AGBL1: variants seen among roughly 807,000 people sequenced by gnomAD.
AGBL1 encodes AGBL carboxypeptidase 1.
Under a neutral mutation model 118.9 loss-of-function variants are expected in AGBL1, and 130 were observed. That is an observed-to-expected ratio of 1.09 (90% CI 0.95 to 1.26). The LOEUF is 1.26. Ranked by LOEUF, AGBL1 falls within the 50% of genes most tolerant of loss-of-function variation. The probability of loss-of-function intolerance (pLI) is 0.00; values close to 1 mark genes in which losing one functional copy is unlikely to be tolerated. For missense variants in AGBL1, 1,584 were observed against 1,298.1 expected (o/e 1.22, Z -3.38); for synonymous variants, 555 against 478.9 (o/e 1.16, Z -2.08).
intron 22 of AGBL1, among the ~76,000 whole-genome samples, chr15:86,814,471 G>A (rs1261997242): frequency 1.3e-5 from 2 of 152,146 alleles, no homozygotes; most frequent in Non-Finnish European, 2.9e-5. Context: ...AATGAACCTC[G>A]ACTATTAATG....
chr15:86,515,496 A>T (rs1366843771), intron 18 of AGBL1, among the ~76,000 whole-genome samples: 2 of 152,164 alleles, frequency 1.3e-5, no homozygotes, highest in African/African-American at 2.4e-5. Flanking sequence ...TTATTATAAA[A>T]ATAATAATTA....
chr15:86,198,700 G>T (rs1195671458), intron 5 of AGBL1, among the ~76,000 whole-genome samples: 1 of 152,076 alleles, frequency 6.6e-6, no homozygotes, highest in African/African-American at 2.4e-5. Flanking sequence ...GTGTGTATGT[G>T]TGCATGTGTT....
chr15:86,811,457 T>C (rs1438407884), intron 22 of AGBL1, among the ~76,000 whole-genome samples: 3 of 152,196 alleles, frequency 2.0e-5, no homozygotes, highest in Non-Finnish European at 2.9e-5. Flanking sequence ...TATAACTTGC[T>C]CTTTTAATTA....
At chr15:86,894,066 C>T (rs1028402582) in intron 22 of AGBL1, among the ~76,000 whole-genome samples, 2 of 152,086 alleles carry the variant, frequency 1.3e-5, no homozygotes, top group Non-Finnish European at 2.9e-5. Context: ...TCCAATACCG[C>T]CTAAAGTGAC....
chr15:86,933,771 C>G (rs1419276458), intron 23 of AGBL1, among the ~76,000 whole-genome samples: 1 of 152,184 alleles, frequency 6.6e-6, no homozygotes, highest in African/African-American at 2.4e-5. Context: ...TAAGTCTTCT[C>G]TTACACCCAT....
intron 18 of AGBL1, among the ~76,000 whole-genome samples, chr15:86,448,554 T>C (rs1051245543): frequency 6.6e-6 from 1 of 152,226 alleles, no homozygotes; most frequent in African/African-American, 2.4e-5. Context: ...AGTGGAGAGA[T>C]GCACCTGGCA....
chr15:86,592,536 A>C (rs2084351931), intron 21 of AGBL1, among the ~76,000 whole-genome samples: 1 of 152,180 alleles, frequency 6.6e-6, no homozygotes, highest in Non-Finnish European at 1.5e-5. Context: ...CACTGTGCGC[A>C]TGCACAGTGG....
At chr15:87,023,743 A>G (rs1412338252) in intron 24 of AGBL1, among the ~76,000 whole-genome samples, 1 of 152,058 alleles carries the variant, frequency 6.6e-6, no homozygotes, top group African/African-American at 2.4e-5. Context: ...CCACAAAATG[A>G]GCTTCAATAA....
intron 18 of AGBL1, among the ~76,000 whole-genome samples, chr15:86,459,843 C>A (rs149821084): frequency 1.3e-5 from 2 of 152,064 alleles, no homozygotes; most frequent in African/African-American, 4.8e-5. Context: ...TATTGCCCAA[C>A]GGGTACAGCT....
chr15:86,603,050 C>T (rs2084520514), intron 21 of AGBL1, among the ~76,000 whole-genome samples: 4 of 152,104 alleles, frequency 2.6e-5, no homozygotes, highest in Admixed American at 2.6e-4. Context: ...CAGAAGAAAG[C>T]AATGATAGGA....
chr15:86,364,976 T>TATATACACACACAC (rs1453638236), intron 17 of AGBL1, among the ~76,000 whole-genome samples: 1 of 83,254 alleles, frequency 1.2e-5, no homozygotes, highest in African/African-American at 4.0e-5. Context: ...TATATATATA[T>TATATACACACACAC]ATATATATAT....
At chr15:86,814,647 C>T (rs747045505) in intron 22 of AGBL1, among the ~76,000 whole-genome samples, 1 of 152,144 alleles carries the variant, frequency 6.6e-6, no homozygotes, top group Non-Finnish European at 1.5e-5. Flanking sequence ...TCTGCATTAT[C>T]TGGTTCAAAT....
intron 22 of AGBL1, among the ~76,000 whole-genome samples, chr15:86,884,287 G>A (rs567794211): frequency 6.6e-6 from 1 of 152,190 alleles, no homozygotes; most frequent in Admixed American, 6.5e-5. Context: ...TATACACAGG[G>A]TGGGTTCCCT....
chr15:86,192,104 C>T (rs1305283190), intron 5 of AGBL1, among the ~76,000 whole-genome samples: 1 of 151,502 alleles, frequency 6.6e-6, no homozygotes, highest in Non-Finnish European at 1.5e-5. Context: ...GTCTCTCCCA[C>T]TCCTGCACGC....
At chr15:87,029,497 TAAC>T (rs199756176), downstream of AGBL1, among the ~76,000 whole-genome samples, 9 of 107,222 alleles carry the variant, frequency 8.4e-5, no homozygotes, top group African/African-American at 4.1e-4. Flanking sequence ...TTTATAATAA[TAAC>T]AACAACGACA....
intron 18 of AGBL1, among the ~76,000 whole-genome samples, chr15:86,443,001 T>G (rs1447671065): frequency 6.6e-6 from 1 of 152,236 alleles, no homozygotes; most frequent in Non-Finnish European, 1.5e-5. Flanking sequence ...TGGGTGTTAC[T>G]GCTATTCTGT....
intron 21 of AGBL1, among the ~76,000 whole-genome samples, chr15:86,635,244 T>C: frequency 7.8e-6 from 1 of 128,734 alleles, no homozygotes; most frequent in African/African-American, 3.0e-5. Flanking sequence ...TTCTTCTTTC[T>C]CCTCCTCCTC....
chr15:86,695,484 T>G lies in AGBL1; in HGVS notation c.3158+21048T>G, dbSNP rs554314491. Reference sequence around the variant, plus strand: ...TTGAGTTCACTTGGATTTTCTCTCTTCTTTTCTTGGTTGATCTTGCTAATG... The same window carrying G: ...TTGAGTTCACTTGGATTTTCTCTCTGCTTTTCTTGGTTGATCTTGCTAATG... On this transcript the variant is annotated intron_variant, in intron 22 of 22. Coordinates refer to ENST00000614907, the MANE Select transcript of AGBL1 (RefSeq NM_001386094.1). Among the ~76,000 whole-genome samples the G allele has an allele frequency of 3.9e-5, 6 of 152,186 alleles. No individual in the cohort carries two copies. The South Asian group carries it at 1.0e-3, about 26-fold the overall frequency.
chr15:86,873,032 T>TA (rs1291396416), intron 22 of AGBL1, among the ~76,000 whole-genome samples: 1 of 152,214 alleles, frequency 6.6e-6, no homozygotes, highest in Non-Finnish European at 1.5e-5. Context: ...TCTTTGTGAT[T>TA]ATACTCTTTC....
Sources: allele counts gnomAD v4.1 joint callset (sites outside exome capture counted in the v4.1 genomes callset), GRCh38; gene constraint gnomAD v4.1.1; transcripts MANE v1.5; gene names NCBI Gene and HGNC (gene_info 2026-07-23, HGNC 2026-07-21).